Variants in SLC25A32 observed in about 807,000 individuals in gnomAD.
The protein encoded by SLC25A32 is solute carrier family 25 member 32, also known as Glycine auxotroph B, complementation of hamster.
Under a neutral mutation model 39.0 loss-of-function variants are expected in SLC25A32, and 32 were observed. The observed-to-expected ratio is 0.82, with a 90% CI of 0.62 to 1.10. SLC25A32 has a LOEUF of 1.10. SLC25A32 is among the 50% of genes least tolerant of loss of function. The pLI, the probability that SLC25A32 is intolerant of heterozygous loss-of-function variation, is 0.00. For missense variants in SLC25A32, 367 were observed against 395.3 expected, an observed-to-expected ratio of 0.93 and a Z score of 0.61; for synonymous variants, 166 against 152.4, an observed-to-expected ratio of 1.09 and a Z score of -0.66.
intron 1 of SLC25A32, 69 bp from the exon 2 acceptor site, chr8:103,407,853 C>A (rs1275633008): frequency 7.4e-7 from 1 of 1,350,136 alleles, no homozygotes; most frequent in Non-Finnish European, 1.0e-6. Flanking sequence ...TAAACACAGA[C>A]ACTGTACAAT....
chr8:103,405,539 A>G (rs572218057), intron 2 of SLC25A32, among the ~76,000 whole-genome samples: 1 of 152,316 alleles, frequency 6.6e-6, no homozygotes, highest in East Asian at 1.9e-4. Context: ...TGAGATTTGC[A>G]TTTTATTTGG....
intron 1 of SLC25A32, among the ~76,000 whole-genome samples, chr8:103,413,122 C>T (rs1586119034): frequency 6.6e-6 from 1 of 152,316 alleles, no homozygotes; most frequent in South Asian, 2.1e-4. Flanking sequence ...TAATACTCTT[C>T]CCAATTCATC....
Position 103,400,213 on chromosome 8 carries a change from G to T in SLC25A32, c.*198C>A. 1 of 577,614 alleles carries T rather than the reference G, an allele frequency of 1.7e-6. No individual in the cohort carries two copies. Among genetic ancestry groups the T allele is most frequent in the Non-Finnish European group, 2.9e-6 (1 of 338,990 alleles). 35.8% of individuals were successfully genotyped at this position (577,614 alleles called of 1,614,324 possible). On this transcript the variant is annotated 3_prime_UTR_variant, in exon 7 of 7. Coordinates refer to ENST00000297578, the MANE Select transcript of SLC25A32 (RefSeq NM_030780.5). ...ATGGCAGCCATTTCAGGCAGAGGTA[G>T]CCAAGTTCCATATATATGGGGAAGG...
intron 2 of SLC25A32, 25 bp downstream of exon 2, chr8:103,407,609 T>G: frequency 6.7e-7 from 1 of 1,490,782 alleles, no homozygotes; most frequent in Non-Finnish European, 9.0e-7. Context: ...AATTTAATAC[T>G]GTAAAATCTC....
intron 1 of SLC25A32, among the ~76,000 whole-genome samples, chr8:103,412,346 T>A (rs1033361195): frequency 6.6e-6 from 1 of 152,244 alleles, no homozygotes; most frequent in Non-Finnish European, 1.5e-5. Flanking sequence ...CTTTTGGGTA[T>A]TTGAGAAAAT....
chr8:103,403,063 CT>C (rs1816252705), intron 4 of SLC25A32, 100 bp downstream of exon 4: 1 of 730,296 alleles, frequency 1.4e-6, no homozygotes, highest in East Asian at 2.8e-5. Context: ...CTAAGTGTGG[CT>C]TCTTTTTAGG....
chr8:103,414,622 C>T, intron 1 of SLC25A32, 162 bp downstream of exon 1: 2 of 991,224 alleles, frequency 2.0e-6, no homozygotes, highest in Non-Finnish European at 2.9e-6. Flanking sequence ...CAGGCCGACC[C>T]CTCCACCAAG....
Position 103,400,479 on chromosome 8 carries a change from A to G in SLC25A32, c.880T>C (p.Cys294Arg). The G allele has an allele frequency of 6.2e-7, 1 of 1,614,130 alleles. No homozygotes were observed. Among genetic ancestry groups the G allele is most frequent in the South Asian group, 1.1e-5 (1 of 91,084 alleles). The change falls in exon 7 of 7, where the codon TGT becomes CGT. Residue 294 changes from cysteine (C) to arginine (R), a missense_variant. By Grantham distance (180) the Cys-to-Arg change is radical. Transcript: ENST00000297578. ...PNLIRVTPAC[C>R]ITFVVYENVS... Reference sequence around the variant, plus strand: ...TTTTCATATACCACAAAGGTAATACAGCAGGCTGGAGTCACTCTAATCAAA... The same window carrying G: ...TTTTCATATACCACAAAGGTAATACGGCAGGCTGGAGTCACTCTAATCAAA...
intron 4 of SLC25A32, chr8:103,402,257 G>A (rs1816234694): frequency 2.3e-6 from 1 of 428,964 alleles, no homozygotes; most frequent in Non-Finnish European, 4.1e-6. Flanking sequence ...ATTTTTAAAG[G>A]TTTGGATGTT....
chr8:103,405,405 G>A (rs184296946), intron 2 of SLC25A32, among the ~76,000 whole-genome samples: 3 of 152,310 alleles, frequency 2.0e-5, no homozygotes, highest in Non-Finnish European at 4.4e-5. Flanking sequence ...GCTTTGTGTA[G>A]GAGGTAGTAT....
rs1291910420 is a variant in SLC25A32 at position 103,414,910 on chromosome 8, C to G, written c.28G>C (p.Gly10Arg). Residue 10 changes from glycine (G) to arginine (R), a missense_variant, in exon 1 of 7, where the codon GGG becomes CGG. Coordinates refer to ENST00000297578, the MANE Select transcript of SLC25A32 (RefSeq NM_030780.5). The part of the protein sequence containing the change: MTGQGQSAS[G>R]SSAWSTVFRH... ...AATACCGTGCTCCACGCCGACGACC[C>G]GGACGCCGACTGGCCCTGGCCCGTC... The G allele has an allele frequency of 1.9e-6, 3 of 1,609,942 alleles. No homozygotes were observed. The highest frequency in any genetic ancestry group is 2.5e-6 in the Non-Finnish European group (3 of 1,178,566).
At chr8:103,410,316 G>C (rs1816437467) in intron 1 of SLC25A32, among the ~76,000 whole-genome samples, 1 of 152,194 alleles carries the variant, frequency 6.6e-6, no homozygotes, top group African/African-American at 2.4e-5. Flanking sequence ...GGGTCACACA[G>C]CAGCAGGTGA....
chr8:103,407,337 T>C (rs1184350619), intron 2 of SLC25A32, among the ~76,000 whole-genome samples: 1 of 152,240 alleles, frequency 6.6e-6, no homozygotes, highest in African/African-American at 2.4e-5. Flanking sequence ...AAAAGTATCA[T>C]TCCACCTCAT....
chr8:103,409,439 CT>C (rs1308610718), intron 1 of SLC25A32, among the ~76,000 whole-genome samples: 312 of 145,336 alleles, frequency 2.1e-3, no homozygotes, highest in African/African-American at 4.4e-3. Flanking sequence ...CCTATGAATT[CT>C]TTTTTTTTTT....
chr8:103,415,100 C>G lies in SLC25A32; in HGVS notation c.-163G>C, dbSNP rs1816572175. The G allele has an allele frequency of 6.2e-7, 1 of 1,612,228 alleles. No homozygotes were observed. The highest frequency in any genetic ancestry group is 8.5e-7 in the Non-Finnish European group (1 of 1,179,632). On this transcript the variant is annotated 5_prime_UTR_variant, in exon 1 of 7. Transcript: ENST00000297578. ...AGGCGCGTGAGCGAAGCCGGAGACT[C>G]TAGTACTGAGGGGGCAAGAACGGGG... is the stretch of plus-strand genomic sequence containing the variant.
intron 1 of SLC25A32, 62 bp downstream of exon 1, chr8:103,414,722 G>A (rs1363946870): frequency 3.1e-6 from 5 of 1,605,338 alleles, no homozygotes; most frequent in East Asian, 2.2e-5. Flanking sequence ...GGAAAAGACG[G>A]AGGAGATCCA....
chr8:103,405,516 T>G (rs1056594096), intron 2 of SLC25A32, among the ~76,000 whole-genome samples: 6 of 152,190 alleles, frequency 3.9e-5, no homozygotes, highest in African/African-American at 1.4e-4. Flanking sequence ...TTGGCCACAC[T>G]TGAGTGGTAG....
Position 103,407,632 on chromosome 8 carries a change from A to G in SLC25A32, c.305+2T>C. On this transcript the variant is annotated splice_donor_variant, in intron 2 of 6. Coordinates refer to ENST00000297578, the MANE Select transcript of SLC25A32 (RefSeq NM_030780.5). LOFTEE classifies it high-confidence loss of function. ...ACTGTAAAATCTCCCAAATCTACTC[A>G]CAAGAAAAAGTAGAGTCCCCAGGAT... is the stretch of plus-strand genomic sequence containing the variant. 1.3e-6 allele frequency: 2 copies of G among 1,544,088 alleles called. No homozygotes were observed. Among genetic ancestry groups the G allele is most frequent in the Non-Finnish European group, 1.8e-6 (2 of 1,140,466 alleles).
At chr8:103,414,675 GCAA>G (rs1210220727) in intron 1 of SLC25A32, 106 bp downstream of exon 1, 2 of 1,083,234 alleles carry the variant, frequency 1.8e-6, no homozygotes, top group Non-Finnish European at 2.6e-6. Flanking sequence ...AACGCGGACA[GCAA>G]CGCTCCCTTC....
Sources: allele counts gnomAD v4.1 joint callset (sites outside exome capture counted in the v4.1 genomes callset), GRCh38; gene constraint gnomAD v4.1.1; transcripts MANE v1.5; gene names NCBI Gene and HGNC (gene_info 2026-07-23, HGNC 2026-07-21).